The following REEP3 variants were observed in gnomAD, a reference collection of about 807,000 sequenced individuals.
REEP3 encodes receptor expression-enhancing protein 3.
A neutral mutation model predicts 41.3 loss-of-function variants in REEP3; 20 were observed. The ratio of observed to expected loss-of-function variants is 0.48; its 90% CI spans 0.34 to 0.70. REEP3 has a LOEUF of 0.70. REEP3 is among the 30% of genes least tolerant of loss of function. REEP3 has a pLI of 0.01. For synonymous variants in REEP3, 104 were observed against 101.8 expected, an observed-to-expected ratio of 1.02 and a Z score of -0.13; for missense variants, 271 against 308.8, an observed-to-expected ratio of 0.88 and a Z score of 0.92.
At chr10:63,561,318 T>C (rs1955737212) in intron 1 of REEP3, among the ~76,000 whole-genome samples, 1 of 152,154 alleles carries the variant, frequency 6.6e-6, no homozygotes, top group African/African-American at 2.4e-5. Context: ...AGCGGTAATT[T>C]AGAAGTTTAT....
chr10:63,554,116 A>T (rs899798182), intron 1 of REEP3, among the ~76,000 whole-genome samples: 1 of 151,306 alleles, frequency 6.6e-6, no homozygotes, highest in East Asian at 1.9e-4. Context: ...AAAAAAAAAA[A>T]CCTTAGATTG....
At chr10:63,532,205 C>G (rs769517386) in intron 1 of REEP3, among the ~76,000 whole-genome samples, 1 of 152,032 alleles carries the variant, frequency 6.6e-6, no homozygotes, top group Non-Finnish European at 1.5e-5. Flanking sequence ...TCTGCAGAAT[C>G]AAAACTATCA....
chr10:63,577,206 G>GT lies in REEP3; in HGVS notation c.105+10799dup, dbSNP rs573983419. Among the ~76,000 whole-genome samples the GT allele has an allele frequency of 3.0e-4, 45 of 152,318 alleles. No homozygotes were observed. The East Asian group carries it at 4.2e-3, about 14-fold the overall frequency. On this transcript the variant is annotated intron_variant, in intron 2 of 7. Transcript: ENST00000373758. ...AAGGCTTGGGGGCGCTCAACATTCA[G>GT]TTTATAAACTTTTACTCGATCCCTA...
intron 1 of REEP3, chr10:63,562,476 C>T (rs904025739): frequency 1.8e-5 from 8 of 441,328 alleles, no homozygotes; most frequent in Middle Eastern, 3.5e-4. Context: ...AAGCTGGTCT[C>T]GAACTCCTGA....
intron 5 of REEP3, among the ~76,000 whole-genome samples, chr10:63,608,963 A>G (rs984386313): frequency 1.3e-5 from 2 of 152,214 alleles, no homozygotes; most frequent in African/African-American, 4.8e-5. Flanking sequence ...TGTCTGCCAT[A>G]TTGTTAAGGG....
intron 1 of REEP3, among the ~76,000 whole-genome samples, chr10:63,560,948 ATAAAT>A (rs1227793136): frequency 6.6e-6 from 1 of 152,206 alleles, no homozygotes; most frequent in Non-Finnish European, 1.5e-5. Context: ...TGGAGCAGTA[ATAAAT>A]TATATTAATA....
intron 2 of REEP3, among the ~76,000 whole-genome samples, chr10:63,590,477 A>T (rs967077056): frequency 1.3e-5 from 2 of 151,978 alleles, no homozygotes; most frequent in African/African-American, 4.8e-5. Flanking sequence ...ATAGGTGTAA[A>T]CTTCACCTTG....
chr10:63,595,889 T>C (rs909586610), intron 3 of REEP3, among the ~76,000 whole-genome samples: 1 of 152,242 alleles, frequency 6.6e-6, no homozygotes, highest in Non-Finnish European at 1.5e-5. Flanking sequence ...AAATGACTCT[T>C]TTTTACTTCT....
chr10:63,603,312 CAAAAAAAA>C (rs67364276), intron 5 of REEP3, among the ~76,000 whole-genome samples: 1 of 62,858 alleles, frequency 1.6e-5, no homozygotes, highest in African/African-American at 6.6e-5. Flanking sequence ...GACTCTGTCT[CAAAAAAAA>C]AAAAAAAAAA....
chr10:63,607,019 T>G (rs1236073540), intron 5 of REEP3, among the ~76,000 whole-genome samples: 2 of 152,238 alleles, frequency 1.3e-5, no homozygotes. Flanking sequence ...CCTTTATTAC[T>G]GGACTTTTTG....
At chr10:63,575,005 C>A (rs1410193475) in intron 2 of REEP3, among the ~76,000 whole-genome samples, 1 of 151,660 alleles carries the variant, frequency 6.6e-6, no homozygotes, top group Non-Finnish European at 1.5e-5. Context: ...TATAGGCATG[C>A]GCCACCATGC....
chr10:63,562,522 G>A, intron 1 of REEP3: 1 of 456,320 alleles, frequency 2.2e-6, no homozygotes, highest in Non-Finnish European at 4.4e-6. Context: ...CTCCCAAGGT[G>A]CTAGGATTAC....
At chr10:63,523,956 G>C (rs946700296) in intron 1 of REEP3, among the ~76,000 whole-genome samples, 1 of 152,090 alleles carries the variant, frequency 6.6e-6, no homozygotes, top group African/African-American at 2.4e-5. Flanking sequence ...TGGAGAGAGG[G>C]GATTAAAGCC....
At position 63,594,808 on chromosome 10, in the gene REEP3, G is replaced by T. The variant is rs1487316801; in HGVS notation, c.136G>T (p.Ala46Ser). ...ATGGATGATGTACTGGATTGTTTTT[G>T]CTCTCTATACTGTGATTGAAACAGT... Reference protein sequence around the residue: ...VRWMMYWIVFALYTVIETVAD... With the variant: ...VRWMMYWIVFSLYTVIETVAD... The change falls in exon 3 of 8, where the codon GCT (alanine) becomes TCT (serine). Residue 46 changes from alanine to serine, a missense_variant. By Grantham distance (99) the Ala-to-Ser change is moderately conservative (BLOSUM62 1). Transcript: ENST00000373758. 6.2e-7 allele frequency: 1 copy of T among 1,612,212 alleles called. No homozygotes were observed. Among genetic ancestry groups the T allele is most frequent in the East Asian group, 2.2e-5 (1 of 44,848 alleles).
rs1057022584 is a variant in REEP3, at chr10:63,521,457, C to G, written c.-89C>G. 5 of 825,232 alleles carry G rather than the reference C, an allele frequency of 6.1e-6. No homozygotes were observed. The highest frequency in any genetic ancestry group is 5.5e-5 in the African/African-American group (3 of 54,082). The allele number at this position is 825,232 out of a possible 1,614,324, so 51.1% of individuals were successfully genotyped here. ...CGCGGCCCCGGGGAGCGCGAGGAGC[C>G]GGCGAAGCGCGCGGCCTGCCGTTGG... On this transcript the variant is annotated 5_prime_UTR_variant, in exon 1 of 8. Transcript: ENST00000373758.
At chr10:63,590,084 C>T (rs558321013) in intron 2 of REEP3, among the ~76,000 whole-genome samples, 2 of 152,066 alleles carry the variant, frequency 1.3e-5, no homozygotes, top group East Asian at 1.9e-4. Flanking sequence ...CGTGAGCCAC[C>T]GCACCTGGCC....
intron 1 of REEP3, among the ~76,000 whole-genome samples, chr10:63,562,283 G>T (rs1162495232): frequency 6.7e-6 from 1 of 149,614 alleles, no homozygotes; most frequent in Non-Finnish European, 1.5e-5. Flanking sequence ...TAGAGACGGA[G>T]TCTTACTCTG....
At chr10:63,534,680 A>C (rs1031795615) in intron 1 of REEP3, among the ~76,000 whole-genome samples, 11 of 152,236 alleles carry the variant, frequency 7.2e-5, no homozygotes, top group South Asian at 2.1e-4. Flanking sequence ...TGCTGGTGAC[A>C]AAGTCTTACA....
rs117375224 is a variant in REEP3 at position 63,565,293 on chromosome 10, T to C, written c.33-1045T>C. 1.3e-3 allele frequency among the ~76,000 whole-genome samples: 202 copies of C among 152,172 alleles called. 1 individual carries two copies. The highest frequency in any genetic ancestry group is 2.2e-3 in the Non-Finnish European group (147 of 67,980). ...GGTCAATCAATAAATAAAAATACTG[T>C]AGGATAACATTTGAGGACAAAAAAC... On this transcript the variant is annotated intron_variant, in intron 1 of 7. Coordinates refer to ENST00000373758, the MANE Select transcript of REEP3 (RefSeq NM_001001330.3).
Sources: allele counts gnomAD v4.1 joint callset (sites outside exome capture counted in the v4.1 genomes callset), GRCh38; gene constraint gnomAD v4.1.1; transcripts MANE v1.5; gene names NCBI Gene and HGNC (gene_info 2026-07-23, HGNC 2026-07-21).